The following PCDH15 variants were observed in gnomAD, a reference collection of about 807,000 sequenced individuals.
PCDH15 encodes protocadherin related 15.
A neutral mutation model predicts 178.5 loss-of-function variants in PCDH15; 129 were observed. The ratio of observed to expected loss-of-function variants is 0.72; its 90% CI spans 0.63 to 0.84. The LOEUF is 0.84. Ranked by LOEUF, PCDH15 falls within the 40% of genes least tolerant of loss-of-function variation. The probability of loss-of-function intolerance (pLI) is 0.00; values close to 1 mark genes in which losing one functional copy is unlikely to be tolerated. For synonymous variants in PCDH15, 800 were observed against 732.0 expected, an observed-to-expected ratio of 1.09 and a Z score of -1.50; for missense variants, 2,230 against 2,099.9, an observed-to-expected ratio of 1.06 and a Z score of -1.21.
At chr10:54,180,001 G>A (rs192971941) in intron 13 of PCDH15, among the ~76,000 whole-genome samples, 1 of 152,306 alleles carries the variant, frequency 6.6e-6, no homozygotes, top group East Asian at 1.9e-4. Flanking sequence ...GTGGAGCATA[G>A]TATTTATTAG....
intron 2 of PCDH15, among the ~76,000 whole-genome samples, chr10:55,035,713 C>A (rs112630749): frequency 3.3e-5 from 5 of 152,076 alleles, no homozygotes; most frequent in Admixed American, 2.0e-4. Flanking sequence ...ATGCAAACAG[C>A]CAAAGACATT....
At chr10:54,867,566 A>G (rs192505467) in intron 3 of PCDH15, among the ~76,000 whole-genome samples, 3 of 152,266 alleles carry the variant, frequency 2.0e-5, no homozygotes, top group Admixed American at 6.6e-5. Context: ...GGGAGTTAGA[A>G]TTTAACTTCA....
intron 2 of PCDH15, among the ~76,000 whole-genome samples, chr10:54,947,894 T>C (rs1838232299): frequency 1.3e-5 from 2 of 151,960 alleles, no homozygotes. Context: ...CCTTAAGTTG[T>C]GTATTAGGTA....
intron 2 of PCDH15, among the ~76,000 whole-genome samples, chr10:55,037,130 T>C (rs917265357): frequency 5.3e-5 from 8 of 152,196 alleles, no homozygotes; most frequent in African/African-American, 1.9e-4. Flanking sequence ...AAATTCAAGC[T>C]AATCAAAACT....
At chr10:54,548,030 A>C (rs1324392969) in intron 2 of PCDH15, among the ~76,000 whole-genome samples, 1 of 149,318 alleles carries the variant, frequency 6.7e-6, no homozygotes, top group Admixed American at 6.7e-5. Context: ...CTACTTGGCA[A>C]CTTCTCATGT....
At chr10:54,681,356 T>C (rs1226252635) in intron 1 of PCDH15, among the ~76,000 whole-genome samples, 1 of 152,174 alleles carries the variant, frequency 6.6e-6, no homozygotes, top group Admixed American at 6.5e-5. Flanking sequence ...AACATGGCAC[T>C]AACATAGGCT....
At chr10:54,825,239 T>C (rs555088702) in intron 3 of PCDH15, among the ~76,000 whole-genome samples, 51 of 152,028 alleles carry the variant, frequency 3.4e-4, no homozygotes, top group South Asian at 3.3e-3. Flanking sequence ...TTCCATGGTG[T>C]ATATGTGCCA....
At chr10:54,448,850 G>A (rs1300174407) in intron 3 of PCDH15, among the ~76,000 whole-genome samples, 1 of 151,674 alleles carries the variant, frequency 6.6e-6, no homozygotes, top group African/African-American at 2.4e-5. Flanking sequence ...TCAACTTCTA[G>A]ATGAATGGAT....
intron 2 of PCDH15, among the ~76,000 whole-genome samples, chr10:55,324,955 C>T (rs529593200): frequency 1.4e-4 from 21 of 152,012 alleles, no homozygotes; most frequent in Non-Finnish European, 2.5e-4. Flanking sequence ...AAATCAAGAA[C>T]GCAATCCCAT....
At chr10:54,787,490 C>T (rs1200968473) in intron 1 of PCDH15, among the ~76,000 whole-genome samples, 1 of 151,970 alleles carries the variant, frequency 6.6e-6, no homozygotes, top group Non-Finnish European at 1.5e-5. Context: ...TGAGAGGCTA[C>T]TGCAATGTTT....
intron 18 of PCDH15, among the ~76,000 whole-genome samples, chr10:54,037,472 G>T (rs138104275): frequency 6.6e-6 from 1 of 152,014 alleles, no homozygotes; most frequent in East Asian, 1.9e-4. Flanking sequence ...AAGACTTGCT[G>T]AAGGTTCAGA....
At chr10:54,320,183 A>T (rs2061511602) in intron 7 of PCDH15, among the ~76,000 whole-genome samples, 1 of 152,248 alleles carries the variant, frequency 6.6e-6, no homozygotes, top group African/African-American at 2.4e-5. Context: ...GCAGATACTT[A>T]TGAGAGTGAG....
intron 1 of PCDH15, among the ~76,000 whole-genome samples, chr10:55,291,336 T>A (rs562612506): frequency 6.6e-6 from 1 of 152,220 alleles, no homozygotes; most frequent in Non-Finnish European, 1.5e-5. Flanking sequence ...CCTGAATATA[T>A]GATTGAAGCA....
intron 3 of PCDH15, among the ~76,000 whole-genome samples, chr10:54,434,908 T>A (rs1268372408): frequency 1.3e-5 from 2 of 152,216 alleles, no homozygotes; most frequent in Admixed American, 6.5e-5. Context: ...ACCAGGTATA[T>A]CACTCTTGGC....
intron 2 of PCDH15, among the ~76,000 whole-genome samples, chr10:54,634,737 A>T (rs1328620571): frequency 1.3e-5 from 2 of 152,036 alleles, no homozygotes; most frequent in Non-Finnish European, 2.9e-5. Context: ...ACTGTTTCAG[A>T]TGTAAATATA....
chr10:54,608,059 CT>C, intron 2 of PCDH15: 1 of 435,468 alleles, frequency 2.3e-6, no homozygotes, highest in Non-Finnish European at 4.4e-6. Flanking sequence ...ACTTGAAATA[CT>C]TTTCTTTGAC....
At chr10:54,886,564 C>T (rs1564603558) in intron 3 of PCDH15, among the ~76,000 whole-genome samples, 1 of 152,164 alleles carries the variant, frequency 6.6e-6, no homozygotes, top group Non-Finnish European at 1.5e-5. Flanking sequence ...GAGTTTGAGA[C>T]CAGCCTGGCC....
At chr10:54,890,891 G>T (rs117173322) in intron 3 of PCDH15, among the ~76,000 whole-genome samples, 2 of 152,094 alleles carry the variant, frequency 1.3e-5, no homozygotes, top group Non-Finnish European at 2.9e-5. Context: ...TACAGCTGCT[G>T]TAATTCAGTC....
chr10:53,806,975 A>C lies in PCDH15; in HGVS notation c.4827T>G (p.Gly1609=). The C allele has an allele frequency of 6.2e-7, 1 of 1,613,716 alleles. No individual in the cohort carries two copies. The highest frequency in any genetic ancestry group is 8.5e-7 in the Non-Finnish European group (1 of 1,179,814). ...INGNIYIAQN[G]SVVRTRRACL... ...AGGCACGGCGGGTTCTCACCACAGA[A>C]CCATTCTGTGCAATATATATATTGC... Residue 1609 remains glycine, a synonymous_variant, in exon 38 of 38, where the codon GGT becomes GGG. Transcript: ENST00000644397.
Sources: allele counts gnomAD v4.1 joint callset (sites outside exome capture counted in the v4.1 genomes callset), GRCh38; gene constraint gnomAD v4.1.1; transcripts MANE v1.5; gene names NCBI Gene and HGNC (gene_info 2026-07-23, HGNC 2026-07-21).